Variants in CSMD1 observed in about 807,000 individuals in gnomAD.
CSMD1 encodes the protein CUB and sushi domain-containing protein 1.
CSMD1 carries 213 observed loss-of-function variants against 417.5 expected under a neutral mutation model. The ratio of observed to expected loss-of-function variants is 0.51; its 90% CI spans 0.46 to 0.57. The LOEUF (loss-of-function observed/expected upper bound fraction) is 0.57. CSMD1 is among the 20% of genes least tolerant of loss of function. The pLI is 0.00. For synonymous variants in CSMD1, 2,862 were observed against 1,736.8 expected, an observed-to-expected ratio of 1.65 and a Z score of -16.11; for missense variants, 6,923 against 4,529.7, an observed-to-expected ratio of 1.53 and a Z score of -15.17.
chr8:3,295,032 T>C (rs1467911280), intron 25 of CSMD1, among the ~76,000 whole-genome samples: 1 of 152,236 alleles, frequency 6.6e-6, no homozygotes, highest in Non-Finnish European at 1.5e-5. Flanking sequence ...AACAATATAT[T>C]GTACTACTCT....
intron 3 of CSMD1, among the ~76,000 whole-genome samples, chr8:4,337,827 T>C (rs1800257496): frequency 6.6e-6 from 1 of 152,160 alleles, no homozygotes; most frequent in Non-Finnish European, 1.5e-5. Context: ...AATCAGGTAA[T>C]TATAAAACTT....
At chr8:4,090,410 C>T (rs1043205198) in intron 3 of CSMD1, among the ~76,000 whole-genome samples, 1 of 152,090 alleles carries the variant, frequency 6.6e-6, no homozygotes, top group Non-Finnish European at 1.5e-5. Flanking sequence ...TTAATTAACA[C>T]CCTAGTCTTG....
chr8:4,530,919 T>C (rs1796784707), intron 2 of CSMD1, among the ~76,000 whole-genome samples: 1 of 151,986 alleles, frequency 6.6e-6, no homozygotes, highest in African/African-American at 2.4e-5. Flanking sequence ...CTGAGCTTCG[T>C]TAAGTAATGC....
chr8:4,353,510 G>A (rs1358987458), intron 3 of CSMD1, among the ~76,000 whole-genome samples: 1 of 151,930 alleles, frequency 6.6e-6, no homozygotes, highest in African/African-American at 2.4e-5. Context: ...TGAATCCACT[G>A]CATATGATCT....
intron 2 of CSMD1, among the ~76,000 whole-genome samples, chr8:4,481,251 G>A (rs1626852): frequency 0.012 from 1,885 of 152,266 alleles, 34 homozygotes; most frequent in African/African-American, 0.043. Flanking sequence ...AGATTTGTAC[G>A]TGCCCATGCA....
chr8:3,979,399 C>T (rs1371200931), intron 5 of CSMD1, among the ~76,000 whole-genome samples: 1 of 152,194 alleles, frequency 6.6e-6, no homozygotes, highest in Non-Finnish European at 1.5e-5. Flanking sequence ...AGCGCAGCTA[C>T]AGAGGCTACA....
intron 17 of CSMD1, among the ~76,000 whole-genome samples, chr8:3,393,356 G>A (rs766148349): frequency 6.6e-6 from 1 of 152,208 alleles, no homozygotes; most frequent in African/African-American, 2.4e-5. Context: ...AAGGTGGAAA[G>A]AAGAGGGAAT....
intron 51 of CSMD1, among the ~76,000 whole-genome samples, chr8:3,028,204 G>A (rs1317937079): frequency 6.6e-6 from 1 of 152,180 alleles, no homozygotes; most frequent in Non-Finnish European, 1.5e-5. Flanking sequence ...ATGTTGGCGG[G>A]AAGAGTCTAA....
At chr8:3,618,627 G>C (rs1446992774) in intron 7 of CSMD1, among the ~76,000 whole-genome samples, 1 of 151,912 alleles carries the variant, frequency 6.6e-6, no homozygotes, top group Admixed American at 6.6e-5. Flanking sequence ...GAGACAGAAA[G>C]CTCCAGACCT....
At chr8:3,940,309 A>G (rs1295403319) in intron 5 of CSMD1, among the ~76,000 whole-genome samples, 1 of 152,050 alleles carries the variant, frequency 6.6e-6, no homozygotes, top group African/African-American at 2.4e-5. Flanking sequence ...ATTTATATAT[A>G]CACTTAATAT....
chr8:3,456,100 C>A (rs776237605), intron 12 of CSMD1, among the ~76,000 whole-genome samples: 3 of 152,156 alleles, frequency 2.0e-5, no homozygotes, highest in African/African-American at 7.2e-5. Flanking sequence ...GGGCGTAGGA[C>A]CCTCAAAGCC....
intron 1 of CSMD1, among the ~76,000 whole-genome samples, chr8:4,856,959 A>G (rs942198479): frequency 1.1e-4 from 17 of 152,022 alleles, no homozygotes; most frequent in Middle Eastern, 3.4e-3. Context: ...TCAACAGAAT[A>G]TACATTTTTT....
At chr8:4,795,815 G>A (rs1015587283) in intron 1 of CSMD1, among the ~76,000 whole-genome samples, 3 of 152,064 alleles carry the variant, frequency 2.0e-5, no homozygotes, top group Non-Finnish European at 4.4e-5. Context: ...ACTAAGTACT[G>A]TACTGAGGCA....
At chr8:4,053,114 T>A (rs952805821) in intron 3 of CSMD1, among the ~76,000 whole-genome samples, 6 of 152,164 alleles carry the variant, frequency 3.9e-5, no homozygotes, top group African/African-American at 1.4e-4. Flanking sequence ...CGAGGACCCC[T>A]TGCCCAGGAA....
chr8:4,011,060 C>T (rs1003754027), intron 4 of CSMD1, among the ~76,000 whole-genome samples: 1 of 152,222 alleles, frequency 6.6e-6, no homozygotes, highest in South Asian at 2.1e-4. Context: ...CAAATCCTCA[C>T]TGCCACCTGA....
At chr8:4,595,230 T>G (rs1800194022) in intron 2 of CSMD1, among the ~76,000 whole-genome samples, 1 of 152,018 alleles carries the variant, frequency 6.6e-6, no homozygotes, top group Non-Finnish European at 1.5e-5. Flanking sequence ...TCAAATTGGC[T>G]TGAGTTGGCT....
At chr8:3,370,557 G>T (rs762145866) in intron 18 of CSMD1, among the ~76,000 whole-genome samples, 5 of 152,204 alleles carry the variant, frequency 3.3e-5, no homozygotes, top group Non-Finnish European at 7.3e-5. Context: ...GTAAGAGGCC[G>T]GTCATGTCTG....
chr8:4,409,288 G>C (rs897613234), intron 3 of CSMD1, among the ~76,000 whole-genome samples: 7 of 152,240 alleles, frequency 4.6e-5, no homozygotes, highest in African/African-American at 1.7e-4. Flanking sequence ...TCGGCTTTGT[G>C]TTAAGTCAAT....
At chr8:4,695,523 T>G in intron 1 of CSMD1, among the ~76,000 whole-genome samples, 1 of 152,196 alleles carries the variant, frequency 6.6e-6, no homozygotes, top group East Asian at 1.9e-4. Context: ...CGATTTCATT[T>G]TTTACAGCAG....
Sources: allele counts gnomAD v4.1 joint callset (sites outside exome capture counted in the v4.1 genomes callset), GRCh38; gene constraint gnomAD v4.1.1; transcripts MANE v1.5; gene names NCBI Gene and HGNC (gene_info 2026-07-23, HGNC 2026-07-21).